Variants in SYT12 observed in about 807,000 individuals in gnomAD.
SYT12 encodes the protein synaptotagmin-12.
Under a neutral mutation model 39.5 loss-of-function variants are expected in SYT12, and 27 were observed. The observed-to-expected ratio is 0.68, with a 90% CI of 0.50 to 0.94. The LOEUF (loss-of-function observed/expected upper bound fraction) is 0.94. SYT12 is among the 40% of genes least tolerant of loss of function. The pLI is 0.00. For synonymous variants in SYT12, 233 were observed against 239.7 expected (o/e 0.97, Z 0.26); for missense variants, 536 against 572.6 (o/e 0.94, Z 0.65).
chr11:67,047,266 C>A (rs1854586571), intron 7 of SYT12, among the ~76,000 whole-genome samples: 1 of 147,040 alleles, frequency 6.8e-6, no homozygotes, highest in Admixed American at 6.8e-5. Context: ...TGCCCACCCC[C>A]AATTTTTTTT....
Position 67,049,311 on chromosome 11 carries a change from G to A in SYT12, c.*554G>A, listed in dbSNP as rs960086661. The A allele has an allele frequency of 6.6e-6, 1 of 152,670 alleles. No individual in the cohort carries two copies. The highest frequency in any genetic ancestry group is 2.4e-5 in the African/African-American group (1 of 41,452). The allele number at this position is 152,670 out of a possible 1,614,324, so 9.5% of individuals were successfully genotyped here. On this transcript the variant is annotated 3_prime_UTR_variant, in exon 8 of 8. Coordinates refer to ENST00000527043, the MANE Select transcript of SYT12 (RefSeq NM_177963.4). ...GTCGCAGGCAGCGGGCCCAGCCTGA[G>A]CAATGGCAGGATGTGAACTTCCCCA...
At chr11:67,024,201 C>A (rs1350481259) in intron 1 of SYT12, among the ~76,000 whole-genome samples, 1 of 152,238 alleles carries the variant, frequency 6.6e-6, no homozygotes, top group Non-Finnish European at 1.5e-5. Context: ...CCTCCATTCC[C>A]AAAAGCCTGG....
intron 3 of SYT12, among the ~76,000 whole-genome samples, chr11:67,012,199 T>C (rs1950018657): frequency 6.6e-6 from 1 of 151,382 alleles, no homozygotes; most frequent in African/African-American, 2.4e-5. Flanking sequence ...GGCGAAACCC[T>C]GTCTCTACTA....
At chr11:67,011,535 C>A (rs1282152105) in intron 3 of SYT12, among the ~76,000 whole-genome samples, 1 of 152,188 alleles carries the variant, frequency 6.6e-6, no homozygotes, top group African/African-American at 2.4e-5. Context: ...AGCCACTGTG[C>A]CCGGCCTGAT....
upstream of SYT12, among the ~76,000 whole-genome samples, chr11:67,021,021 G>A (rs1291796382): frequency 6.6e-6 from 1 of 152,130 alleles, no homozygotes; most frequent in Non-Finnish European, 1.5e-5. Context: ...GAGCCTGAAA[G>A]GTGGATTCAC....
intron 2 of SYT12, chr11:67,032,304 C>T (rs1371842795): frequency 6.6e-6 from 1 of 152,262 alleles, no homozygotes; most frequent in African/African-American, 2.4e-5. Flanking sequence ...CACTGGCCCC[C>T]TCGGTGGGAC....
chr11:67,030,297 C>CCTTGACAGTG, intron 2 of SYT12, 119 bp downstream of exon 2: 2 of 1,195,820 alleles, frequency 1.7e-6, no homozygotes, highest in Non-Finnish European at 2.4e-6. Context: ...TCTTCACTGT[C>CCTTGACAGTG]AAGGACAGTC....
intron 6 of SYT12, chr11:67,045,531 G>A (rs773841716): frequency 3.0e-6 from 2 of 661,278 alleles, no homozygotes; most frequent in African/African-American, 1.8e-5. Context: ...AGCTGCCTGA[G>A]CACAAAGCCC....
chr11:67,025,329 C>T (rs1372557710), intron 1 of SYT12, among the ~76,000 whole-genome samples: 1 of 152,206 alleles, frequency 6.6e-6, no homozygotes. Flanking sequence ...GAATTTGAAC[C>T]TAGAGCTGTT....
At chr11:67,015,412 C>G (rs74636384) in intron 3 of SYT12, among the ~76,000 whole-genome samples, 5,981 of 152,330 alleles carry the variant, frequency 0.039, 173 homozygotes, top group Middle Eastern at 0.099. Flanking sequence ...CTCCAATGAT[C>G]TGTGCTATGG....
intron 7 of SYT12, among the ~76,000 whole-genome samples, chr11:67,046,917 C>T (rs1854570578): frequency 6.6e-6 from 1 of 152,156 alleles, no homozygotes; most frequent in South Asian, 2.1e-4. Context: ...AGGTGCCGTT[C>T]TACACAGTTC....
rs1461790496 is a variant in SYT12 at position 67,043,840 on chromosome 11, A to G, written c.824A>G (p.Gln275Arg). 1.9e-6 allele frequency: 3 copies of G among 1,613,950 alleles called. No homozygotes were observed. The highest frequency in any genetic ancestry group is 2.5e-6 in the Non-Finnish European group (3 of 1,180,042). The change falls in exon 5 of 8, where the codon CAG becomes CGG. Residue 275 changes from glutamine to arginine, a missense_variant. By Grantham distance (43) the Gln-to-Arg change is conservative. Coordinates refer to ENST00000527043, the MANE Select transcript of SYT12 (RefSeq NM_177963.4). ...CCCTTCAGTGGCTGGCTCTATTTAC[A>G]GGACCAGAACAAGGTAAGTGACTTG... Reference protein sequence around the residue: ...LQPFSGWLYLQDQNKAADAVG... With the variant: ...LQPFSGWLYLRDQNKAADAVG...
At chr11:67,041,192 G>A (rs1950506594) in intron 4 of SYT12, among the ~76,000 whole-genome samples, 1 of 147,904 alleles carries the variant, frequency 6.8e-6, no homozygotes, top group South Asian at 2.2e-4. Context: ...TAAAAATAGG[G>A]CCAGGTGCAG....
chr11:67,035,002 CTTTTTTTTT>C (rs11316433), intron 3 of SYT12, among the ~76,000 whole-genome samples, 164 bp downstream of exon 3: 3 of 112,096 alleles, frequency 2.7e-5, no homozygotes, highest in South Asian at 2.8e-4. Flanking sequence ...ACATCTTCAA[CTTTTTTTTT>C]TTTTTTTTTT....
chr11:67,045,128 G>A (rs771424436), intron 6 of SYT12, among the ~76,000 whole-genome samples: 2 of 152,096 alleles, frequency 1.3e-5, no homozygotes, highest in Non-Finnish European at 2.9e-5. Context: ...GGGCCACGGG[G>A]TTGGGGTGGG....
chr11:67,045,943 C>G, intron 7 of SYT12, 66 bp downstream of exon 7: 9 of 1,596,278 alleles, frequency 5.6e-6, no homozygotes, highest in Non-Finnish European at 7.7e-6. Context: ...CCGCATCTCT[C>G]CACCTTCTCT....
intron 1 of SYT12, among the ~76,000 whole-genome samples, chr11:67,024,493 GTGAC>G (rs997446234): frequency 3.9e-5 from 6 of 152,176 alleles, no homozygotes; most frequent in African/African-American, 9.7e-5. Context: ...GTCAGCTCTG[GTGAC>G]TGACTGACAA....
At position 67,039,917 on chromosome 11, in the gene SYT12, C is replaced by T. The variant is rs2136225284; in HGVS notation, c.335C>T (p.Pro112Leu). The T allele has an allele frequency of 1.2e-6, 2 of 1,613,740 alleles. No individual in the cohort carries two copies. Among genetic ancestry groups the T allele is most frequent in the Middle Eastern group, 1.6e-4 (1 of 6,062 alleles). ...TTTGAGAGCATCAGTGAACTGGGGC[C>T]TCTGGAGCTGATGGGCCGGGAGTTG... ...DTFESISELGPLELMGRELDL... is the reference protein window; with the variant it reads ...DTFESISELGLLELMGRELDL... Residue 112 changes from proline (P) to leucine (L), a missense_variant, in exon 4 of 8, where the codon CCT (proline) becomes CTT (leucine). Coordinates refer to ENST00000527043, the MANE Select transcript of SYT12 (RefSeq NM_177963.4).
chr11:67,012,142 G>A (rs910951125), intron 3 of SYT12, among the ~76,000 whole-genome samples: 4 of 151,190 alleles, frequency 2.6e-5, no homozygotes, highest in Non-Finnish European at 4.4e-5. Context: ...AGGCCGAGGC[G>A]GGCGGATCAC....
Sources: allele counts gnomAD v4.1 joint callset (sites outside exome capture counted in the v4.1 genomes callset), GRCh38; gene constraint gnomAD v4.1.1; transcripts MANE v1.5; gene names NCBI Gene and HGNC (gene_info 2026-07-23, HGNC 2026-07-21).